Variants in ADRA1B observed in about 807,000 individuals in gnomAD.
ADRA1B encodes alpha-1B adrenergic receptor.
In ADRA1B, 17 loss-of-function variants were observed where a neutral mutation model predicts 17.9. The ratio of observed to expected loss-of-function variants is 0.95; its 90% CI spans 0.65 to 1.42. ADRA1B has a LOEUF of 1.42. ADRA1B is among the 40% of genes most tolerant of loss of function. The pLI is 0.00. For synonymous variants in ADRA1B, 366 were observed against 327.6 expected (o/e 1.12, Z -1.27); for missense variants, 681 against 722.1 (o/e 0.94, Z 0.65).
At chr5:159,949,643 C>G (rs148535135) in intron 1 of ADRA1B, among the ~76,000 whole-genome samples, 114 of 152,300 alleles carry the variant, frequency 7.5e-4, no homozygotes, top group African/African-American at 2.6e-3. Context: ...TCAGGAGACA[C>G]TGGAATGAAA....
At chr5:159,987,320 C>T in the ADRA1B span, among the ~76,000 whole-genome samples, 9 of 152,384 alleles carry the variant, frequency 5.9e-5, no homozygotes, top group Non-Finnish European at 1.0e-4. Flanking sequence ...GTCTCTCCTG[C>T]GGGCTCAGCG....
At position 159,959,676 on chromosome 5, in the gene ADRA1B, C is replaced by T. The variant is rs370201441; in HGVS notation, c.950-12203C>T. 7.5e-4 allele frequency among the ~76,000 whole-genome samples: 114 copies of T among 152,084 alleles called. 1 individual carries two copies. In the South Asian group the frequency reaches 0.016, roughly 21 times the overall value. On this transcript the variant is annotated intron_variant, in intron 1 of 1. Coordinates refer to ENST00000306675, the MANE Select transcript of ADRA1B (RefSeq NM_000679.4). Reference sequence around the variant, plus strand: ...ACCAGTATTGTCAAGTTAAAAGTGACACAAAATTCCTGGCTTCTAGATACT... The same window carrying T: ...ACCAGTATTGTCAAGTTAAAAGTGATACAAAATTCCTGGCTTCTAGATACT...
chr5:159,954,788 T>C (rs1322916614), intron 1 of ADRA1B, among the ~76,000 whole-genome samples: 3 of 152,196 alleles, frequency 2.0e-5, no homozygotes, highest in Admixed American at 6.5e-5. Context: ...CTACCATATG[T>C]AGCCAGCACA....
chr5:159,972,204 G>T lies in ADRA1B; in HGVS notation c.1275G>T (p.Ser425=), dbSNP rs1168106953. The T allele has an allele frequency of 1.5e-6, 2 of 1,361,468 alleles. No individual in the cohort carries two copies. The highest frequency in any genetic ancestry group is 1.9e-6 in the Non-Finnish European group (2 of 1,052,550). The allele number at this position is 1,361,468 out of a possible 1,614,324, so 84.3% of individuals were successfully genotyped here. The part of the protein sequence containing the change: ...SGSQRTLPSA[S]PSPGYLGRGA... ...GCCAGCGGACCCTGCCCTCGGCCTC[G>T]CCGAGCCCGGGCTACCTGGGCCGCG... The change falls in exon 2 of 2, where the codon TCG becomes TCT. Residue 425 remains serine, a synonymous_variant. Transcript: ENST00000306675.
intron 1 of ADRA1B, among the ~76,000 whole-genome samples, chr5:159,879,224 G>A (rs1258432072): frequency 6.6e-6 from 1 of 152,162 alleles, no homozygotes. Flanking sequence ...GCTCGGATTA[G>A]CGTAGAGATT....
At chr5:159,952,711 A>T (rs1755468596) in intron 1 of ADRA1B, among the ~76,000 whole-genome samples, 1 of 152,196 alleles carries the variant, frequency 6.6e-6, no homozygotes, top group Non-Finnish European at 1.5e-5. Flanking sequence ...AGTGCTTGCC[A>T]CCTATAAGCT....
chr5:159,981,881 G>T, the ADRA1B span, among the ~76,000 whole-genome samples: 3 of 152,192 alleles, frequency 2.0e-5, no homozygotes, highest in Admixed American at 6.5e-5. Context: ...ACTTAGAAAG[G>T]TCTGGTGGTT....
At chr5:159,911,320 C>A (rs936988250) in intron 1 of ADRA1B, among the ~76,000 whole-genome samples, 5 of 152,174 alleles carry the variant, frequency 3.3e-5, no homozygotes, top group African/African-American at 9.7e-5. Context: ...CACTGTCCCA[C>A]CAGAATAGCA....
At position 159,910,087 on chromosome 5, in the gene ADRA1B, CTACA is replaced by C. The variant is rs561549602; in HGVS notation, c.-255-6023_-255-6020del. Among the ~76,000 whole-genome samples the C allele has an allele frequency of 2.6e-5, 4 of 152,188 alleles. No homozygotes were observed. The East Asian group carries it at 7.7e-4, about 29-fold the overall frequency. On this transcript the variant is annotated intron_variant, in intron 1 of 2. Transcript: ENST00000641205. ...ACATATACGCACACACATATATATC[CTACA>C]TACATACAAACAGGTTTAAATTATA...
At chr5:159,960,185 A>G (rs1755641918) in intron 1 of ADRA1B, among the ~76,000 whole-genome samples, 1 of 152,220 alleles carries the variant, frequency 6.6e-6, no homozygotes, top group Non-Finnish European at 1.5e-5. Context: ...GAAAGTGGTT[A>G]TGAGAAGAAA....
At chr5:159,978,583 A>G in the ADRA1B span, among the ~76,000 whole-genome samples, 15 of 152,198 alleles carry the variant, frequency 9.9e-5, no homozygotes, top group Admixed American at 7.2e-4. Flanking sequence ...CAGAGACAAT[A>G]GCTAAGCTCT....
At chr5:159,973,675 T>C (rs1399920104), downstream of ADRA1B, among the ~76,000 whole-genome samples, 1 of 152,196 alleles carries the variant, frequency 6.6e-6, no homozygotes, top group African/African-American at 2.4e-5. Context: ...AAAAAAGCAC[T>C]GAGGAAGGTC....
chr5:159,987,107 G>C, the ADRA1B span, among the ~76,000 whole-genome samples: 1 of 152,162 alleles, frequency 6.6e-6, no homozygotes, highest in East Asian at 1.9e-4. Context: ...CCGGGCCTAC[G>C]GGCTAAAGGA....
chr5:159,987,124 T>C, the ADRA1B span, among the ~76,000 whole-genome samples: 19 of 152,280 alleles, frequency 1.2e-4, no homozygotes, highest in Middle Eastern at 6.8e-3. Context: ...AGGACGGTGT[T>C]GTAAGAAGCT....
chr5:159,948,084 G>A (rs560001453), intron 1 of ADRA1B: 3 of 985,400 alleles, frequency 3.0e-6, no homozygotes, highest in African/African-American at 1.7e-5. Flanking sequence ...ACTGCAGACC[G>A]ATTTTCATAG....
In ADRA1B at chr5:159,920,734, C is replaced by CTGAATAG. The variant is rs1432011388; in HGVS notation, c.949+2880_949+2881insTGAATAG. On this transcript the variant is annotated intron_variant, in intron 1 of 1. Coordinates refer to ENST00000306675, the MANE Select transcript of ADRA1B (RefSeq NM_000679.4). The stretch of plus-strand genomic sequence containing the variant: ...TCTTAATGATTCAGGAAGAGCATTC[C>CTGAATAG]AGCAAAATAGAGATGTGAGTTTCTA... Among the ~76,000 whole-genome samples the CTGAATAG allele has an allele frequency of 1.2e-4, 18 of 152,250 alleles. No homozygotes were observed. In the East Asian group the frequency reaches 3.3e-3, roughly 28 times the overall value.
chr5:159,950,965 G>T, intron 1 of ADRA1B: 1 of 595,378 alleles, frequency 1.7e-6, no homozygotes, highest in Admixed American at 2.1e-5. Context: ...CAGTGATGGC[G>T]TGGACTGTAT....
intron 1 of ADRA1B, among the ~76,000 whole-genome samples, chr5:159,966,042 T>C (rs2113290081): frequency 6.6e-6 from 1 of 152,224 alleles, no homozygotes; most frequent in East Asian, 1.9e-4. Context: ...CCCAAAGTGC[T>C]GGATTACAGG....
At chr5:159,945,456 G>A (rs1421508293) in intron 1 of ADRA1B, among the ~76,000 whole-genome samples, 2 of 152,200 alleles carry the variant, frequency 1.3e-5, no homozygotes, top group African/African-American at 2.4e-5. Flanking sequence ...AGCCCTGCAG[G>A]AATCTGGGGG....
Sources: allele counts gnomAD v4.1 joint callset (sites outside exome capture counted in the v4.1 genomes callset), GRCh38; gene constraint gnomAD v4.1.1; transcripts MANE v1.5; gene names NCBI Gene and HGNC (gene_info 2026-07-23, HGNC 2026-07-21).